Variants in CSMD1 observed in about 807,000 individuals in gnomAD.
The protein encoded by CSMD1 is CUB and Sushi multiple domains 1.
A neutral mutation model predicts 417.5 loss-of-function variants in CSMD1; 213 were observed. That is an observed-to-expected ratio of 0.51 (90% CI 0.46 to 0.57). The LOEUF is 0.57. Ranked by LOEUF, CSMD1 falls within the 20% of genes least tolerant of loss-of-function variation. CSMD1 has a pLI of 0.00. For synonymous variants in CSMD1, 2,862 were observed against 1,736.8 expected, an observed-to-expected ratio of 1.65 and a Z score of -16.11; for missense variants, 6,923 against 4,529.7, an observed-to-expected ratio of 1.53 and a Z score of -15.17.
intron 1 of CSMD1, among the ~76,000 whole-genome samples, chr8:4,790,223 C>A (rs1230102007): frequency 6.6e-6 from 1 of 152,208 alleles, no homozygotes; most frequent in Admixed American, 6.5e-5. Flanking sequence ...GAGCACAACA[C>A]ATTCAAAATA....
intron 4 of CSMD1, among the ~76,000 whole-genome samples, chr8:4,030,944 C>T (rs1439418528): frequency 1.4e-4 from 22 of 152,176 alleles, no homozygotes; most frequent in Middle Eastern, 3.2e-3. Flanking sequence ...AGTCTTTTTG[C>T]TAAAACGTAA....
At chr8:4,748,997 T>G (rs941369277) in intron 1 of CSMD1, among the ~76,000 whole-genome samples, 1 of 152,262 alleles carries the variant, frequency 6.6e-6, no homozygotes, top group Non-Finnish European at 1.5e-5. Flanking sequence ...TTAATTAATA[T>G]TTTCCCTTTG....
intron 5 of CSMD1, among the ~76,000 whole-genome samples, chr8:3,887,783 G>C (rs73493893): frequency 1.3e-5 from 2 of 152,152 alleles, no homozygotes; most frequent in Non-Finnish European, 2.9e-5. Flanking sequence ...TGAGTGTGTG[G>C]TATCAGAAAA....
At chr8:4,421,570 C>T (rs1195472083) in intron 2 of CSMD1, among the ~76,000 whole-genome samples, 2 of 151,794 alleles carry the variant, frequency 1.3e-5, no homozygotes. Flanking sequence ...AAATAAACAA[C>T]ACACTTCTAA....
intron 26 of CSMD1, among the ~76,000 whole-genome samples, chr8:3,264,124 A>G (rs111892137): frequency 6.6e-6 from 1 of 152,220 alleles, no homozygotes; most frequent in African/African-American, 2.4e-5. Flanking sequence ...TAATATGATT[A>G]AACTGATTCC....
chr8:3,223,621 G>A (rs1798332821), intron 28 of CSMD1, 108 bp downstream of exon 28: 4 of 1,130,676 alleles, frequency 3.5e-6, no homozygotes, highest in East Asian at 2.4e-5. Flanking sequence ...ACAAAATCTA[G>A]CACTTACCTA....
chr8:4,338,042 A>C (rs1159216417), intron 3 of CSMD1, among the ~76,000 whole-genome samples: 2 of 152,138 alleles, frequency 1.3e-5, no homozygotes, highest in East Asian at 3.9e-4. Flanking sequence ...TATTCCAAGA[A>C]TCTGCTTCAA....
intron 1 of CSMD1, among the ~76,000 whole-genome samples, chr8:4,796,399 C>A (rs758587238): frequency 2.0e-5 from 3 of 152,184 alleles, no homozygotes; most frequent in African/African-American, 7.2e-5. Context: ...TGTCTAAGGG[C>A]ATTTACTTTA....
intron 2 of CSMD1, among the ~76,000 whole-genome samples, chr8:4,515,623 A>G (rs757362387): frequency 3.9e-5 from 6 of 152,180 alleles, no homozygotes; most frequent in East Asian, 3.9e-4. Context: ...CAATAGCAAC[A>G]ACAGAAACAA....
At chr8:4,964,044 G>A (rs139514338) in intron 1 of CSMD1, among the ~76,000 whole-genome samples, 1 of 152,096 alleles carries the variant, frequency 6.6e-6, no homozygotes, top group East Asian at 1.9e-4. Context: ...TATCTTGATA[G>A]CTGGGTGAAT....
chr8:4,146,742 G>C (rs1804159717), intron 3 of CSMD1, among the ~76,000 whole-genome samples: 1 of 149,174 alleles, frequency 6.7e-6, no homozygotes, highest in Admixed American at 6.6e-5. Flanking sequence ...CTCCAGAGGA[G>C]CTGGGACTAC....
At chr8:3,507,137 T>C (rs932396469) in intron 10 of CSMD1, among the ~76,000 whole-genome samples, 2 of 152,168 alleles carry the variant, frequency 1.3e-5, no homozygotes, top group Non-Finnish European at 2.9e-5. Context: ...AAACAGAATT[T>C]ACATAGTGGA....
At chr8:3,395,290 C>T (rs1484661771) in intron 17 of CSMD1, among the ~76,000 whole-genome samples, 2 of 152,148 alleles carry the variant, frequency 1.3e-5, no homozygotes, top group Non-Finnish European at 2.9e-5. Flanking sequence ...TCCTTCAGGT[C>T]CAATAGTAAT....
At chr8:3,319,581 A>G (rs1010858096) in intron 23 of CSMD1, among the ~76,000 whole-genome samples, 5 of 152,192 alleles carry the variant, frequency 3.3e-5, no homozygotes, top group Admixed American at 3.3e-4. Context: ...ACACTTCCGC[A>G]CACATTCAAC....
intron 5 of CSMD1, among the ~76,000 whole-genome samples, chr8:3,886,414 T>C (rs1320117039): frequency 6.6e-6 from 1 of 152,180 alleles, no homozygotes; most frequent in African/African-American, 2.4e-5. Flanking sequence ...GTAGCAGTGA[T>C]TTAGAATGTA....
Position 3,621,355 on chromosome 8 carries a change from G to A in CSMD1, c.1010-4558C>T, listed in dbSNP as rs866571872. ...CACAAGAGACTCACTTTAGGCGTAA[G>A]GACACAAAGAGGTTAAAAACGAAGA... is the stretch of plus-strand genomic sequence containing the variant. On this transcript the variant is annotated intron_variant, in intron 7 of 69. Coordinates refer to ENST00000635120, the MANE Select transcript of CSMD1 (RefSeq NM_033225.6). Among the ~76,000 whole-genome samples, 3 of 152,096 alleles carry A rather than the reference G, an allele frequency of 2.0e-5. No homozygotes were observed. In the South Asian group the frequency reaches 6.2e-4, roughly 32 times the overall value.
intron 10 of CSMD1, among the ~76,000 whole-genome samples, chr8:3,545,544 T>C (rs1205313757): frequency 6.6e-6 from 1 of 152,160 alleles, no homozygotes; most frequent in Non-Finnish European, 1.5e-5. Context: ...ACCACTCTAA[T>C]GTGATGTAGA....
At chr8:3,853,835 A>T (rs1418164929) in intron 5 of CSMD1, among the ~76,000 whole-genome samples, 1 of 149,004 alleles carries the variant, frequency 6.7e-6, no homozygotes, top group Non-Finnish European at 1.5e-5. Flanking sequence ...AAACCTGCAC[A>T]TTGTGCACAT....
At chr8:4,545,400 A>G (rs1235416453) in intron 2 of CSMD1, among the ~76,000 whole-genome samples, 2 of 152,264 alleles carry the variant, frequency 1.3e-5, no homozygotes, top group African/African-American at 4.8e-5. Flanking sequence ...TGAACACTCA[A>G]CGTCTGCCTT....
Sources: gnomAD v4.1 joint callset for allele counts (sites outside exome capture counted in the v4.1 genomes callset) on GRCh38, gnomAD v4.1.1 for gene constraint, MANE v1.5 for transcripts, NCBI Gene and HGNC (gene_info 2026-07-23, HGNC 2026-07-21) for gene names.